The following EPRS1 variants were observed in gnomAD, a reference collection of about 807,000 sequenced individuals.
The protein encoded by EPRS1 is bifunctional glutamate/proline--tRNA ligase.
EPRS1 carries 107 observed loss-of-function variants against 188.3 expected under a neutral mutation model. The observed-to-expected ratio is 0.57, with a 90% CI of 0.49 to 0.67. EPRS1 has a LOEUF of 0.67. Ranked by LOEUF, EPRS1 falls within the 30% of genes least tolerant of loss-of-function variation. The pLI, the probability that EPRS1 is intolerant of heterozygous loss-of-function variation, is 0.00. For missense variants in EPRS1, 1,577 were observed against 1,802.2 expected (o/e 0.88, Z 2.26); for synonymous variants, 596 against 593.1 (o/e 1.00, Z -0.07).
chr1:220,038,435 T>C (rs577382912), intron 2 of EPRS1, among the ~76,000 whole-genome samples: 1 of 135,628 alleles, frequency 7.4e-6, no homozygotes, highest in African/African-American at 2.8e-5. Flanking sequence ...CTGTCATCCA[T>C]GCTGGAGTGC....
chr1:220,002,963 T>G (rs576569515), intron 16 of EPRS1, among the ~76,000 whole-genome samples: 1 of 152,394 alleles, frequency 6.6e-6, no homozygotes, highest in African/African-American at 2.4e-5. Flanking sequence ...CATTTTTGTG[T>G]GAACATGTTA....
intron 21 of EPRS1, among the ~76,000 whole-genome samples, chr1:219,983,831 T>C (rs1204098414): frequency 6.6e-6 from 1 of 150,590 alleles, no homozygotes; most frequent in Non-Finnish European, 1.5e-5. Flanking sequence ...AGGCGGAGGT[T>C]GCAGTGAGCC....
At chr1:220,037,108 C>T (rs1268452896) in intron 2 of EPRS1, among the ~76,000 whole-genome samples, 4 of 152,006 alleles carry the variant, frequency 2.6e-5, no homozygotes, top group South Asian at 2.1e-4. Flanking sequence ...GCAGGTGTAT[C>T]GCTAAGCCCA....
intron 28 of EPRS1, among the ~76,000 whole-genome samples, chr1:219,976,336 T>C (rs769257161): frequency 6.6e-6 from 1 of 152,200 alleles, no homozygotes; most frequent in Non-Finnish European, 1.5e-5. Context: ...ACATAATAAC[T>C]ACATGCAACA....
intron 12 of EPRS1, among the ~76,000 whole-genome samples, chr1:220,016,575 T>C (rs1458836778): frequency 1.8e-5 from 2 of 108,262 alleles, no homozygotes; most frequent in Non-Finnish European, 3.7e-5. Flanking sequence ...CAGGCCTAGC[T>C]AATTTTTTTT....
In EPRS1 at chr1:219,980,843, C is replaced by T; in HGVS notation, c.3468G>A (p.Lys1156=). The T allele has an allele frequency of 6.2e-7, 1 of 1,611,622 alleles. No individual in the cohort carries two copies. The highest frequency in any genetic ancestry group is 8.5e-7 in the Non-Finnish European group (1 of 1,178,502). Residue 1156 remains lysine (K), a synonymous_variant, in exon 25 of 32, where the codon AAG becomes AAA. Coordinates refer to ENST00000366923, the MANE Select transcript of EPRS1 (RefSeq NM_004446.3). Reference sequence around the variant, plus strand: ...GAGTACGTAGGAAAGGCTGAGGATGCTTGAATTCCCAACGCTGGAAGAGGC... The same window carrying T: ...GAGTACGTAGGAAAGGCTGAGGATGTTTGAATTCCCAACGCTGGAAGAGGC... The part of the protein sequence containing the change: ...QWCNVVRWEF[K]HPQPFLRTRE...
intron 31 of EPRS1, 38 bp downstream of exon 31, chr1:219,969,020 G>A (rs899567238): frequency 6.2e-7 from 1 of 1,610,728 alleles, no homozygotes; most frequent in African/African-American, 1.3e-5. Flanking sequence ...CCTTTCCATT[G>A]CAATTTTTCA....
chr1:220,025,719 T>C (rs1355060797), intron 6 of EPRS1, among the ~76,000 whole-genome samples: 1 of 152,180 alleles, frequency 6.6e-6, no homozygotes, highest in Non-Finnish European at 1.5e-5. Context: ...GATGACTAAA[T>C]GAAAAGAGCA....
At chr1:219,978,973 T>C (rs988830721) in intron 27 of EPRS1, among the ~76,000 whole-genome samples, 24 of 143,258 alleles carry the variant, frequency 1.7e-4, no homozygotes, top group African/African-American at 3.9e-4. Flanking sequence ...TATTTTTTTT[T>C]CCCCCCCAGC....
At chr1:220,026,517 TTTG>T (rs1190958895) in intron 6 of EPRS1, among the ~76,000 whole-genome samples, 3 of 151,986 alleles carry the variant, frequency 2.0e-5, no homozygotes, top group Non-Finnish European at 4.4e-5. Context: ...TACAGTTTTT[TTTG>T]TTGTTGTTGT....
intron 24 of EPRS1, 69 bp from the exon 25 acceptor site, chr1:219,980,926 G>T (rs982106814): frequency 4.1e-6 from 4 of 969,010 alleles, no homozygotes; most frequent in African/African-American, 3.2e-5. Flanking sequence ...TGGAGACAGG[G>T]TCTTGCTCTG....
intron 17 of EPRS1, 56 bp from the exon 18 acceptor site, chr1:219,997,398 AC>A: frequency 1.4e-6 from 2 of 1,407,418 alleles, no homozygotes; most frequent in Non-Finnish European, 1.9e-6. Flanking sequence ...ATGTTTTCCC[AC>A]AAAATTATTT....
At chr1:219,987,483 A>G in intron 19 of EPRS1, 79 bp from the exon 20 acceptor site, 1 of 1,222,426 alleles carries the variant, frequency 8.2e-7, no homozygotes, top group Non-Finnish European at 1.1e-6. Context: ...AACAAATACA[A>G]TGCTCAAAGC....
Position 220,007,197 on chromosome 1 carries a change from C to T in EPRS1, c.1742+5G>A. 1 of 1,604,540 alleles carries T rather than the reference C, an allele frequency of 6.2e-7. No individual in the cohort carries two copies. The highest frequency in any genetic ancestry group is 8.5e-7 in the Non-Finnish European group (1 of 1,176,232). The stretch of plus-strand genomic sequence containing the variant: ...TTTATTTGAAAACAAACAAAAAGTT[C>T]TTACTTGTGTATTTTTGTAATGTTG... On this transcript the variant is annotated splice_donor_5th_base_variant and intron_variant, in intron 14 of 31. Transcript: ENST00000366923.
intron 6 of EPRS1, among the ~76,000 whole-genome samples, chr1:220,026,445 G>A (rs1434719187): frequency 2.0e-5 from 3 of 152,116 alleles, no homozygotes; most frequent in Non-Finnish European, 2.9e-5. Context: ...CATGAAGCAA[G>A]GAAGTTTAAT....
At chr1:219,978,959 TATATA>T (rs1293893734) in intron 27 of EPRS1, among the ~76,000 whole-genome samples, 2 of 61,586 alleles carry the variant, frequency 3.2e-5, no homozygotes, top group East Asian at 8.1e-4. Flanking sequence ...TATATATATA[TATATA>T]TTTTTTTTTC....
At chr1:219,975,833 C>CAT (rs1215953913) in intron 28 of EPRS1, among the ~76,000 whole-genome samples, 1 of 90,734 alleles carries the variant, frequency 1.1e-5, no homozygotes, top group Non-Finnish European at 2.4e-5. Flanking sequence ...TAAAAGTGTA[C>CAT]ACATATCTGT....
chr1:220,020,199 C>T lies in EPRS1; in HGVS notation c.1138G>A (p.Ala380Thr). Residue 380 changes from alanine to threonine, a missense_variant, in exon 10 of 32, where the codon GCC (alanine) becomes ACC (threonine). Physicochemically the swap from Ala to Thr is moderately conservative, Grantham distance 58. Coordinates refer to ENST00000366923, the MANE Select transcript of EPRS1 (RefSeq NM_004446.3). ...TCGATGCTGTCAACTATGGGGCAGG[C>T]AAAATCATATGTTGGATAAACACTA... ...KYNVYPTYDF[A>T]CPIVDSIEGV... is the part of the protein sequence containing the mutation. The T allele has an allele frequency of 6.2e-7, 1 of 1,611,232 alleles. No individual in the cohort carries two copies. Among genetic ancestry groups the T allele is most frequent in the Non-Finnish European group, 8.5e-7 (1 of 1,178,402 alleles).
At chr1:220,016,707 C>A (rs1661723134) in intron 12 of EPRS1, among the ~76,000 whole-genome samples, 1 of 75,874 alleles carries the variant, frequency 1.3e-5, no homozygotes, top group South Asian at 4.1e-4. Context: ...GCATGAGAAC[C>A]TGGCTTTTTT....
Sources: allele counts gnomAD v4.1 joint callset (sites outside exome capture counted in the v4.1 genomes callset), GRCh38; gene constraint gnomAD v4.1.1; transcripts MANE v1.5; gene names NCBI Gene and HGNC (gene_info 2026-07-23, HGNC 2026-07-21).